CNTN5: variants seen among roughly 807,000 people sequenced by gnomAD.
CNTN5 encodes contactin-5.
CNTN5 carries 77 observed loss-of-function variants against 129.1 expected under a neutral mutation model. The observed-to-expected ratio is 0.60, with a 90% CI of 0.50 to 0.72. The LOEUF is 0.72. Among genes scored for constraint, CNTN5 ranks in the 30% least tolerant of loss-of-function variants. CNTN5 has a pLI of 0.00. For missense variants in CNTN5, 1,478 were observed against 1,328.8 expected (o/e 1.11, Z -1.75); for synonymous variants, 509 against 465.6 (o/e 1.09, Z -1.20).
At chr11:100,119,005 A>C (rs1945927777) in intron 13 of CNTN5, among the ~76,000 whole-genome samples, 1 of 151,572 alleles carries the variant, frequency 6.6e-6, no homozygotes, top group Admixed American at 6.6e-5. Context: ...ACCATGTCAA[A>C]GTGTGAACTT....
At chr11:99,040,334 A>C (rs1409253921) in intron 1 of CNTN5, among the ~76,000 whole-genome samples, 1 of 152,266 alleles carries the variant, frequency 6.6e-6, no homozygotes, top group African/African-American at 2.4e-5. Flanking sequence ...GTGTAGCTTA[A>C]GTAAGTCACA....
intron 1 of CNTN5, among the ~76,000 whole-genome samples, chr11:99,039,576 G>A (rs555624333): frequency 6.6e-6 from 1 of 152,270 alleles, no homozygotes; most frequent in South Asian, 2.1e-4. Flanking sequence ...GAGTGTGCAA[G>A]TGTCAAACAC....
chr11:100,105,458 GTAT>G (rs1277154746), intron 13 of CNTN5, among the ~76,000 whole-genome samples: 1 of 152,148 alleles, frequency 6.6e-6, no homozygotes, highest in Non-Finnish European at 1.5e-5. Context: ...GGAACAACCT[GTAT>G]AACCACATGG....
chr11:99,272,242 T>C (rs946458232), intron 1 of CNTN5, among the ~76,000 whole-genome samples: 1 of 151,772 alleles, frequency 6.6e-6, no homozygotes, highest in Non-Finnish European at 1.5e-5. Context: ...TATTGTCTTG[T>C]GCTGTACCTG....
intron 2 of CNTN5, among the ~76,000 whole-genome samples, chr11:99,326,055 C>T (rs187811705): frequency 1.3e-5 from 2 of 152,266 alleles, no homozygotes; most frequent in African/African-American, 4.8e-5. Flanking sequence ...TTTACGTAAC[C>T]AACAGAAATT....
At chr11:99,278,704 C>A (rs1271843004) in intron 1 of CNTN5, among the ~76,000 whole-genome samples, 2 of 151,734 alleles carry the variant, frequency 1.3e-5, no homozygotes, top group Non-Finnish European at 2.9e-5. Flanking sequence ...TTATATACCT[C>A]ATCCAAGGTC....
At chr11:99,744,543 T>TAAAAAAAAAAAAA (rs553540845) in intron 3 of CNTN5, among the ~76,000 whole-genome samples, 2 of 37,494 alleles carry the variant, frequency 5.3e-5, no homozygotes, top group East Asian at 1.1e-3. Flanking sequence ...TACAAAAAGT[T>TAAAAAAAAAAAAA]AAAAAAAAAA....
intron 18 of CNTN5, among the ~76,000 whole-genome samples, chr11:100,286,905 GC>G (rs1950808238): frequency 6.6e-6 from 1 of 152,004 alleles, no homozygotes; most frequent in African/African-American, 2.4e-5. Flanking sequence ...ACAGAGAAGT[GC>G]TTAAAGGAGC....
rs79207080 is a variant in CNTN5, at chr11:100,145,889, A to G, written c.1581-45237A>G. Among the ~76,000 whole-genome samples, 1,229 of 152,206 alleles carry G rather than the reference A, an allele frequency of 8.1e-3. 27 individuals carry two copies. Among genetic ancestry groups the G allele is most frequent in the African/African-American group, 0.028 (1,183 of 41,534 alleles). On this transcript the variant is annotated intron_variant, in intron 13 of 24. Coordinates refer to ENST00000524871, the MANE Select transcript of CNTN5 (RefSeq NM_014361.4). ...TAAAAGAGTTCTGTGATCGTCCCCAAATCACTCCATTAATAGCCGTTCTCT... is the reference window on the plus strand; with the variant it reads ...TAAAAGAGTTCTGTGATCGTCCCCAGATCACTCCATTAATAGCCGTTCTCT...
chr11:99,740,524 CTG>C (rs955636465), intron 3 of CNTN5, among the ~76,000 whole-genome samples: 1 of 152,150 alleles, frequency 6.6e-6, no homozygotes, highest in Non-Finnish European at 1.5e-5. Flanking sequence ...TGTGGAGAGA[CTG>C]TGTGTGTTAG....
chr11:100,062,239 T>C (rs889302339), intron 10 of CNTN5, among the ~76,000 whole-genome samples: 1 of 152,206 alleles, frequency 6.6e-6, no homozygotes, highest in Non-Finnish European at 1.5e-5. Context: ...TATATAGTTA[T>C]CCAAATTTCA....
chr11:99,079,830 A>G (rs1425722150), intron 1 of CNTN5, among the ~76,000 whole-genome samples: 1 of 152,214 alleles, frequency 6.6e-6, no homozygotes, highest in Non-Finnish European at 1.5e-5. Context: ...CAGAGCTCAG[A>G]GTCTCTGACT....
At chr11:99,064,479 C>G (rs1247074849) in intron 1 of CNTN5, among the ~76,000 whole-genome samples, 1 of 152,044 alleles carries the variant, frequency 6.6e-6, no homozygotes, top group Non-Finnish European at 1.5e-5. Context: ...TATCAGAGAA[C>G]AGTCAAAAGG....
chr11:100,202,020 C>A (rs187920509), intron 15 of CNTN5, among the ~76,000 whole-genome samples: 1 of 152,062 alleles, frequency 6.6e-6, no homozygotes, highest in Non-Finnish European at 1.5e-5. Context: ...AGATACCTGG[C>A]AATATGCTAG....
intron 2 of CNTN5, among the ~76,000 whole-genome samples, chr11:99,456,560 G>A (rs769703149): frequency 1.4e-4 from 22 of 152,068 alleles, no homozygotes; most frequent in Non-Finnish European, 2.9e-4. Context: ...GATCTAAAAT[G>A]ACAGCTTTAA....
chr11:99,679,939 G>T (rs1356270478), intron 3 of CNTN5, among the ~76,000 whole-genome samples: 1 of 152,176 alleles, frequency 6.6e-6, no homozygotes, highest in East Asian at 1.9e-4. Flanking sequence ...TGTAGAGACA[G>T]TTTGAGTGGT....
chr11:99,364,716 G>T (rs929094346), intron 2 of CNTN5, among the ~76,000 whole-genome samples: 1 of 152,076 alleles, frequency 6.6e-6, no homozygotes, highest in Non-Finnish European at 1.5e-5. Context: ...TTGTCGGTAC[G>T]ATTAAATCAT....
intron 1 of CNTN5, among the ~76,000 whole-genome samples, chr11:99,086,113 AT>A (rs1468289524): frequency 2.0e-5 from 3 of 152,122 alleles, no homozygotes; most frequent in Non-Finnish European, 4.4e-5. Context: ...GCACATTTTT[AT>A]TTTATAATAA....
intron 8 of CNTN5, among the ~76,000 whole-genome samples, chr11:99,962,145 A>G (rs1330452438): frequency 6.6e-6 from 1 of 152,086 alleles, no homozygotes; most frequent in African/African-American, 2.4e-5. Context: ...TTAGAATGGA[A>G]TTATTTTTAT....
Sources: gnomAD v4.1 joint callset for allele counts (sites outside exome capture counted in the v4.1 genomes callset) on GRCh38, gnomAD v4.1.1 for gene constraint, MANE v1.5 for transcripts, NCBI Gene and HGNC (gene_info 2026-07-23, HGNC 2026-07-21) for gene names.